RARB: variants seen among roughly 807,000 people sequenced by gnomAD.
RARB encodes retinoic acid receptor beta.
A neutral mutation model predicts 51.9 loss-of-function variants in RARB; 17 were observed. The ratio of observed to expected loss-of-function variants is 0.33; its 90% confidence interval spans 0.22 to 0.49. The LOEUF (loss-of-function observed/expected upper bound fraction) is 0.49. Ranked by LOEUF, RARB falls within the 20% of genes least tolerant of loss-of-function variation. The pLI is 0.99. For synonymous variants in RARB, 215 were observed against 195.4 expected (o/e 1.10, Z -0.84); for missense variants, 369 against 550.8 (o/e 0.67, Z 3.30).
chr3:25,060,326 T>C, intron 3 of RARB: 1 of 152,022 alleles, frequency 6.6e-6, no homozygotes, highest in South Asian at 2.1e-4. Flanking sequence ...CCAATATTTA[T>C]ATTTTTACTA....
intron 2 of RARB, among the ~76,000 whole-genome samples, chr3:24,965,462 A>C (rs910759076): frequency 6.6e-6 from 1 of 152,216 alleles, no homozygotes; most frequent in Non-Finnish European, 1.5e-5. Context: ...AGCTAAAAGA[A>C]GAATAGATTT....
At chr3:25,092,051 C>T (rs1403885250) in intron 3 of RARB, among the ~76,000 whole-genome samples, 1 of 152,128 alleles carries the variant, frequency 6.6e-6, no homozygotes, top group African/African-American at 2.4e-5. Context: ...TGGCTATGCT[C>T]TGCCTCACTA....
At chr3:25,056,048 C>T (rs1293761368) in intron 2 of RARB, among the ~76,000 whole-genome samples, 1 of 152,080 alleles carries the variant, frequency 6.6e-6, no homozygotes, top group African/African-American at 2.4e-5. Flanking sequence ...TCCCTATTAC[C>T]CTGCCGGGAA....
chr3:25,069,201 G>A (rs1048216009), intron 3 of RARB, among the ~76,000 whole-genome samples: 11 of 150,648 alleles, frequency 7.3e-5, no homozygotes, highest in African/African-American at 2.7e-4. Flanking sequence ...GAGCAGGACT[G>A]TGAGAAAGAT....
At chr3:25,353,204 T>C (rs1326209851) in intron 5 of RARB, among the ~76,000 whole-genome samples, 1 of 152,166 alleles carries the variant, frequency 6.6e-6, no homozygotes, top group Non-Finnish European at 1.5e-5. Context: ...CCTCTTTCAA[T>C]GGTAAGTGGT....
chr3:25,307,440 T>C (rs1025445473), intron 5 of RARB, among the ~76,000 whole-genome samples: 7 of 152,088 alleles, frequency 4.6e-5, no homozygotes. Flanking sequence ...ATAGTCTTGA[T>C]GTGATTGCAT....
intron 2 of RARB, among the ~76,000 whole-genome samples, chr3:24,890,721 C>T (rs917172823): frequency 6.6e-6 from 1 of 152,140 alleles, no homozygotes; most frequent in Non-Finnish European, 1.5e-5. Context: ...TAATATCTGG[C>T]CTTATACAAA....
chr3:24,927,302 T>C (rs1161928106), intron 2 of RARB, among the ~76,000 whole-genome samples: 2 of 152,150 alleles, frequency 1.3e-5, no homozygotes, highest in African/African-American at 4.8e-5. Context: ...GCTTAATTTG[T>C]TCTGAGTTCC....
At chr3:25,130,333 G>C (rs558152458) in intron 3 of RARB, among the ~76,000 whole-genome samples, 21 of 152,106 alleles carry the variant, frequency 1.4e-4, no homozygotes, top group Non-Finnish European at 4.4e-5. Flanking sequence ...AACATACAGC[G>C]TTCCCTGAAT....
intron 1 of RARB, among the ~76,000 whole-genome samples, chr3:25,450,776 A>G (rs1709157250): frequency 6.6e-6 from 1 of 152,108 alleles, no homozygotes; most frequent in Admixed American, 6.6e-5. Context: ...GTGAGAGACA[A>G]AATGGTGCTG....
chr3:25,349,202 C>A (rs1705486167), intron 5 of RARB, among the ~76,000 whole-genome samples: 1 of 152,190 alleles, frequency 6.6e-6, no homozygotes, highest in Non-Finnish European at 1.5e-5. Flanking sequence ...CAGTGACTTG[C>A]ACTACCTGGT....
intron 5 of RARB, among the ~76,000 whole-genome samples, chr3:25,370,962 T>C (rs1428945093): frequency 1.3e-5 from 2 of 152,200 alleles, no homozygotes; most frequent in African/African-American, 4.8e-5. Flanking sequence ...TCTCTATCTC[T>C]GTCTTCACAT....
chr3:25,452,100 C>T (rs931060944), intron 1 of RARB, among the ~76,000 whole-genome samples: 7 of 152,272 alleles, frequency 4.6e-5, no homozygotes, highest in South Asian at 4.2e-4. Flanking sequence ...GATGCCTCCA[C>T]GTTCAGATCA....
Position 25,253,129 on chromosome 3 carries a change from G to T in RARB, c.178+78554G>T, listed in dbSNP as rs940682855. Among the ~76,000 whole-genome samples, 5 of 152,258 alleles carry T rather than the reference G, an allele frequency of 3.3e-5. No individual in the cohort carries two copies. The East Asian group carries it at 5.8e-4, about 18-fold the overall frequency. On this transcript the variant is annotated intron_variant, in intron 5 of 11. Coordinates refer to the RARB transcript ENST00000383772. The stretch of plus-strand genomic sequence containing the variant: ...ATCCCATTTGCCTAATTTTTAATCT[G>T]CTTTCTAGTCCTGTCAACTACTAGT...
At chr3:25,230,074 A>G (rs1046634341) in intron 5 of RARB, among the ~76,000 whole-genome samples, 2 of 152,144 alleles carry the variant, frequency 1.3e-5, no homozygotes, top group Non-Finnish European at 2.9e-5. Flanking sequence ...GTATGCTTAT[A>G]CTGAAGTTTT....
rs138411778 is a variant in RARB at position 24,865,568 on chromosome 3, C to T, written c.-380+6816C>T. On this transcript the variant is annotated intron_variant, in intron 2 of 11. Transcript: ENST00000383772. ...GTCTGGTTCCAGAGACCGTGCTTTA[C>T]TGAGTCTCACGTAGCCCTCTTCCAC... Among the ~76,000 whole-genome samples the T allele has an allele frequency of 2.6e-4, 39 of 152,240 alleles. No individual in the cohort carries two copies. In the Middle Eastern group the frequency reaches 0.01, roughly 40 times the overall value.
intron 2 of RARB, among the ~76,000 whole-genome samples, chr3:24,890,821 G>A (rs1236604523): frequency 5.9e-5 from 9 of 152,032 alleles, no homozygotes; most frequent in Non-Finnish European, 1.5e-5. Flanking sequence ...AATATTGCAT[G>A]ATATGTGAAT....
At chr3:25,008,832 T>C (rs1697332222) in intron 2 of RARB, among the ~76,000 whole-genome samples, 1 of 152,150 alleles carries the variant, frequency 6.6e-6, no homozygotes, top group Admixed American at 6.6e-5. Flanking sequence ...ATGCAGCCAA[T>C]GGCAAATATT....
intron 2 of RARB, among the ~76,000 whole-genome samples, chr3:24,890,764 T>C (rs1703362063): frequency 6.6e-6 from 1 of 152,170 alleles, no homozygotes; most frequent in Non-Finnish European, 1.5e-5. Context: ...TTCTGTTCTT[T>C]CCTGGACAAA....
Sources: gnomAD v4.1 joint callset for allele counts (sites outside exome capture counted in the v4.1 genomes callset) on GRCh38, gnomAD v4.1.1 for gene constraint, MANE v1.5 for transcripts, NCBI Gene and HGNC (gene_info 2026-07-23, HGNC 2026-07-21) for gene names.